The following AGGF1 variants were observed in gnomAD, a reference collection of about 807,000 sequenced individuals.
AGGF1 encodes angiogenic factor with G-patch and FHA domains 1.
AGGF1 carries 56 observed loss-of-function variants against 86.5 expected under a neutral mutation model. That is an observed-to-expected ratio of 0.65 (90% CI 0.52 to 0.81). AGGF1 has a LOEUF of 0.81. AGGF1 is among the 30% of genes least tolerant of loss of function. The pLI is 0.00. For missense variants in AGGF1, 816 were observed against 850.9 expected, an observed-to-expected ratio of 0.96 and a Z score of 0.51; for synonymous variants, 313 against 297.1, an observed-to-expected ratio of 1.05 and a Z score of -0.55.
Position 77,039,566 on chromosome 5 carries a change from T to G in AGGF1, c.717T>G (p.Ile239Met). ...TCTATTATGATCCTTCCACTGGAATTTATTACTATTGTGATGTGGAAAGTG... is the reference window on the plus strand; with the variant it reads ...TCTATTATGATCCTTCCACTGGAATGTATTACTATTGTGATGTGGAAAGTG... ...NQLYYDPSTG[I>M]YYYCDVESGR... is the part of the protein sequence containing the mutation. Residue 239 changes from isoleucine (I) to methionine (M), a missense_variant, in exon 5 of 14, where the codon ATT (isoleucine) becomes ATG (methionine). This residue lies in a region of AGGF1 where 565 missense variants were observed against 585.8 expected (regional missense o/e 0.96). Transcript: ENST00000312916. The G allele has an allele frequency of 6.2e-7, 1 of 1,611,144 alleles. No individual in the cohort carries two copies. The highest frequency in any genetic ancestry group is 8.5e-7 in the Non-Finnish European group (1 of 1,178,538).
chr5:77,055,676 C>T, intron 11 of AGGF1, 80 bp downstream of exon 11: 4 of 934,930 alleles, frequency 4.3e-6, no homozygotes, highest in Non-Finnish European at 5.0e-6. Flanking sequence ...ATGCTCAGTA[C>T]ATTTTATATA....
intron 3 of AGGF1, 47 bp downstream of exon 3, chr5:77,035,790 C>T (rs764926474): frequency 5.9e-6 from 9 of 1,515,296 alleles, no homozygotes; most frequent in South Asian, 1.1e-5. Flanking sequence ...AGAACCTGTC[C>T]TTCTTTGTTG....
Position 77,059,600 on chromosome 5 carries a change from T to C in AGGF1, c.1717-16T>C, listed in dbSNP as rs756859880. On this transcript the variant is annotated splice_polypyrimidine_tract_variant and intron_variant, in intron 11 of 13. Coordinates refer to ENST00000312916, the MANE Select transcript of AGGF1 (RefSeq NM_018046.5). ...TCAGCTTTCTTTTCCTGAATGAATA[T>C]TTTGTGTTTATTAAGAATACAGAAT... 7 of 1,591,568 alleles carry C rather than the reference T, an allele frequency of 4.4e-6. No homozygotes were observed. The highest frequency in any genetic ancestry group is 3.3e-5 in the Admixed American group (2 of 59,938).
In AGGF1 at chr5:77,048,761, G is replaced by A. The variant is rs140625642; in HGVS notation, c.1314-175G>A. 4.5e-3 allele frequency among the ~76,000 whole-genome samples: 690 copies of A among 152,320 alleles called. 5 individuals carry two copies. Among genetic ancestry groups the A allele is most frequent in the African/African-American group, 0.015 (642 of 41,562 alleles). ...AAGAAGACATGAGTAAATAATCACT[G>A]TGTGAAAGCACAGGAAATCTAGAGT... is the stretch of plus-strand genomic sequence containing the variant. On this transcript the variant is annotated intron_variant, in intron 7 of 13. Coordinates refer to ENST00000312916, the MANE Select transcript of AGGF1 (RefSeq NM_018046.5).
rs768014066 is a variant in AGGF1, at chr5:77,048,982, A to G, written c.1360A>G (p.Ser454Gly). ...HTLRIPEVGVSKFHAEIYFDH... is the reference protein window; with the variant it reads ...HTLRIPEVGVGKFHAEIYFDH... Reference sequence around the variant, plus strand: ...TCTCCGAATCCCTGAAGTTGGTGTCAGTAAGGTAAGCTCTTTGATTTATCA... The same window carrying G: ...TCTCCGAATCCCTGAAGTTGGTGTCGGTAAGGTAAGCTCTTTGATTTATCA... The change falls in exon 8 of 14, where the codon AGT (serine) becomes GGT (glycine). Residue 454 changes from serine to glycine, a missense_variant. This residue lies in a region of AGGF1 where 565 missense variants were observed against 585.8 expected (regional missense o/e 0.96). Transcript: ENST00000312916. 1 of 1,613,718 alleles carries G rather than the reference A, an allele frequency of 6.2e-7. No homozygotes were observed. Among genetic ancestry groups the G allele is most frequent in the South Asian group, 1.1e-5 (1 of 91,078 alleles).
chr5:77,056,343 C>T (rs1747458373), intron 11 of AGGF1, among the ~76,000 whole-genome samples: 1 of 151,102 alleles, frequency 6.6e-6, no homozygotes, highest in African/African-American at 2.4e-5. Context: ...ATTGTCCTGC[C>T]TCAGCCTGAC....
chr5:77,056,031 C>T (rs527725244), intron 11 of AGGF1, among the ~76,000 whole-genome samples: 3 of 152,168 alleles, frequency 2.0e-5, no homozygotes, highest in African/African-American at 7.2e-5. Context: ...ATTGATTGAA[C>T]AACATAGTTG....
At chr5:77,036,757 T>A in intron 4 of AGGF1, 37 bp downstream of exon 4, 1 of 1,606,918 alleles carries the variant, frequency 6.2e-7, no homozygotes, top group South Asian at 1.1e-5. Context: ...GTTTTGTTTT[T>A]GAGACAGTCT....
intron 2 of AGGF1, among the ~76,000 whole-genome samples, chr5:77,035,209 A>G (rs1179513174): frequency 6.6e-6 from 1 of 152,214 alleles, no homozygotes; most frequent in African/African-American, 2.4e-5. Context: ...GTATCCAGTT[A>G]GAAGTTAAGA....
intron 5 of AGGF1, among the ~76,000 whole-genome samples, chr5:77,040,983 C>T (rs975145700): frequency 6.6e-6 from 1 of 152,228 alleles, no homozygotes; most frequent in African/African-American, 2.4e-5. Context: ...CTACCTCAGC[C>T]TCCCAAAGTG....
At chr5:77,048,553 A>G (rs568819661) in intron 7 of AGGF1, among the ~76,000 whole-genome samples, 1 of 152,252 alleles carries the variant, frequency 6.6e-6, no homozygotes, top group East Asian at 1.9e-4. Flanking sequence ...GGGTTTCACC[A>G]TGTTGGCCAG....
At chr5:77,049,906 T>C (rs1214421927) in intron 8 of AGGF1, among the ~76,000 whole-genome samples, 1 of 152,128 alleles carries the variant, frequency 6.6e-6, no homozygotes, top group East Asian at 1.9e-4. Flanking sequence ...CTCTCTCCTC[T>C]CTTATGGTTG....
Position 77,056,529 on chromosome 5 carries a change from A to G in AGGF1, c.1716+933A>G, listed in dbSNP as rs545553489. ...AGGTGCGAGCCACTGTGCCCGGCCA[A>G]GAGTGGTCTTTTACAACAAATGGTG... On this transcript the variant is annotated intron_variant, in intron 11 of 13. Transcript: ENST00000312916. 4.5e-4 allele frequency among the ~76,000 whole-genome samples: 68 copies of G among 151,844 alleles called. No homozygotes were observed. The South Asian group carries it at 0.014, about 31-fold the overall frequency.
In AGGF1 at chr5:77,030,467, C is replaced by T. The variant is rs1746816580; in HGVS notation, c.-300C>T. 3.4e-6 allele frequency: 2 copies of T among 590,992 alleles called. No homozygotes were observed. Among genetic ancestry groups the T allele is most frequent in the Middle Eastern group, 2.6e-4 (1 of 3,866 alleles). 36.6% of individuals were successfully genotyped at this position (590,992 alleles called of 1,614,324 possible). A position where few individuals can be genotyped will look rare whatever the true frequency, so the allele number is the denominator to read the frequency against. On this transcript the variant is annotated 5_prime_UTR_variant, in exon 1 of 14. Coordinates refer to ENST00000312916, the MANE Select transcript of AGGF1 (RefSeq NM_018046.5). ...CTTCTGGCCTCTGGTTTTCCGACTG[C>T]TTATCCGACGCTCCTCCCTCTGTCT...
At chr5:77,046,035 T>C (rs895277694) in intron 5 of AGGF1, among the ~76,000 whole-genome samples, 1 of 152,238 alleles carries the variant, frequency 6.6e-6, no homozygotes, top group African/African-American at 2.4e-5. Flanking sequence ...GAACTAGGAA[T>C]GTTAAGACAT....
In AGGF1 at chr5:77,052,930, C is replaced by T. The variant is rs1417412931; in HGVS notation, c.1467+123C>T. 2.2e-5 allele frequency: 18 copies of T among 811,656 alleles called. 1 individual carries two copies. Among genetic ancestry groups the T allele is most frequent in the Non-Finnish European group, 2.3e-5 (11 of 487,622 alleles). 50.3% of individuals were successfully genotyped at this position (811,656 alleles called of 1,614,324 possible). A position where few individuals can be genotyped will look rare whatever the true frequency, so the allele number is the denominator to read the frequency against. On this transcript the variant is annotated intron_variant, in intron 9 of 13. Transcript: ENST00000312916. The stretch of plus-strand genomic sequence containing the variant: ...AGAGTTAAGCCCAAATGTGTTACTT[C>T]GGAAGGAATTTCCAGAAAGGCTGAA...
In AGGF1 at chr5:77,030,675, C is replaced by T. The variant is rs1028696795; in HGVS notation, c.-92C>T. Reference sequence around the variant, plus strand: ...CGGGTGTGAGGCTGCCTTTCGCTGCCCGCGCGCTCCAGTGGTCTCTGGGTC... The same window carrying T: ...CGGGTGTGAGGCTGCCTTTCGCTGCTCGCGCGCTCCAGTGGTCTCTGGGTC... On this transcript the variant is annotated 5_prime_UTR_variant, in exon 1 of 14. Coordinates refer to ENST00000312916, the MANE Select transcript of AGGF1 (RefSeq NM_018046.5). 2.1e-6 allele frequency: 3 copies of T among 1,431,434 alleles called. No homozygotes were observed. The highest frequency in any genetic ancestry group is 2.0e-5 in the Admixed American group (1 of 50,430). The allele number at this position is 1,431,434 out of a possible 1,614,324, so 88.7% of individuals were successfully genotyped here.
Position 77,059,643 on chromosome 5 carries a change from T to C in AGGF1, c.1744T>C (p.Leu582=). The C allele has an allele frequency of 6.2e-7, 1 of 1,610,892 alleles. No individual in the cohort carries two copies. The highest frequency in any genetic ancestry group is 1.3e-5 in the African/African-American group (1 of 74,978). ...TACAGAATACGAAGATGAAAAGACA[T>C]TGAAGAATCCAAAATATAAAGATAG... ...QNTEYEDEKT[L]KNPKYKDRAG... Residue 582 remains leucine (L), a synonymous_variant, in exon 12 of 14, where the codon TTG becomes CTG. Coordinates refer to ENST00000312916, the MANE Select transcript of AGGF1 (RefSeq NM_018046.5).
chr5:77,048,804 A>C, intron 7 of AGGF1, 132 bp from the exon 8 acceptor site: 1 of 859,706 alleles, frequency 1.2e-6, no homozygotes, highest in East Asian at 2.5e-5. Flanking sequence ...AGGAAACTGG[A>C]TAATCCATAA....
Sources: gnomAD v4.1 joint callset for allele counts (sites outside exome capture counted in the v4.1 genomes callset) on GRCh38, gnomAD v4.1.1 for gene constraint, gnomAD v4.1.1 regional missense constraint, MANE v1.5 for transcripts, NCBI Gene and HGNC (gene_info 2026-07-23, HGNC 2026-07-21) for gene names.